BRWD1: variants seen among roughly 807,000 people sequenced by gnomAD.
BRWD1 encodes the protein bromodomain and WD repeat domain containing 1, also known as bromodomain and WD repeat-containing protein 1.
In BRWD1, 82 loss-of-function variants were observed where a neutral mutation model predicts 251.2. The ratio of observed to expected loss-of-function variants is 0.33; its 90% CI spans 0.27 to 0.39. The LOEUF is 0.39. Among genes scored for constraint, BRWD1 ranks in the 10% least tolerant of loss-of-function variants. The probability of loss-of-function intolerance (pLI) is 1.00; values close to 1 mark genes in which losing one functional copy is unlikely to be tolerated. For missense variants in BRWD1, 2,233 were observed against 2,711.6 expected (o/e 0.82, Z 3.92); for synonymous variants, 918 against 902.8 (o/e 1.02, Z -0.30).
In BRWD1 at chr21:39,196,677, G is replaced by A. The variant is rs758484795; in HGVS notation, c.6392C>T (p.Ser2131Leu). ...TTTCACATTTTCCAATTCAGGATGC[G>A]ATCTCTTCCTTTTTACTTCCTTCTC... ...TAEKEVKRKR[S>L]HPELENVKIS... Residue 2131 changes from serine (S) to leucine (L), a missense_variant, in exon 41 of 41, where the codon TCG becomes TTG. By Grantham distance (145) the Ser-to-Leu change is moderately radical. Around this residue, in one of 12 missense-constraint regions of BRWD1, gnomAD observed 928 missense variants for 970.0 expected, o/e 0.96. Coordinates refer to ENST00000342449, the MANE Select transcript of BRWD1 (RefSeq NM_033656.4). The A allele has an allele frequency of 6.2e-6, 10 of 1,613,826 alleles. No homozygotes were observed. Among genetic ancestry groups the A allele is most frequent in the East Asian group, 2.2e-5 (1 of 44,864 alleles).
chr21:39,312,981 CG>C, intron 3 of BRWD1, 81 bp from the exon 4 acceptor site: 1 of 569,862 alleles, frequency 1.8e-6, no homozygotes, highest in Non-Finnish European at 2.1e-6. Flanking sequence ...GGGCGGGCGG[CG>C]GGCGGCGGGC....
chr21:39,214,945 G>T lies in BRWD1; in HGVS notation c.3785+292C>A, dbSNP rs114658294. Among the ~76,000 whole-genome samples, 1,178 of 144,612 alleles carry T rather than the reference G, an allele frequency of 8.1e-3. 16 individuals are homozygous for T. Among genetic ancestry groups the T allele is most frequent in the African/African-American group, 0.029 (1,129 of 38,842 alleles). The allele number at this position is 144,612 out of a possible 152,430, so 94.9% of individuals were successfully genotyped here. A position where few individuals can be genotyped will look rare whatever the true frequency, so the allele number is the denominator to read the frequency against. On this transcript the variant is annotated intron_variant, in intron 32 of 40. Transcript: ENST00000342449. ...TACTCAGGCTGGAGTGCAATGGCAC[G>T]ATCCACACACGATTGGGCTCACTGT...
chr21:39,276,174 G>T lies in BRWD1; in HGVS notation c.1144C>A (p.Arg382=). Residue 382 remains arginine, a splice_region_variant and synonymous_variant, in exon 12 of 41, where the codon CGG becomes AGG. Transcript: ENST00000342449. ...DSIQFCNNGD[R]FLSGSRDGTA... ...CACACATACAAAACACACACTTACC[G>T]ATCACCATTGTTACAAAATTGGATA... 6.2e-7 allele frequency: 1 copy of T among 1,606,504 alleles called. No homozygotes were observed. The highest frequency in any genetic ancestry group is 8.5e-7 in the Non-Finnish European group (1 of 1,175,666).
In BRWD1 at chr21:39,239,097, T is replaced by C. The variant is rs926929475; in HGVS notation, c.2482-524A>G. 3.2e-4 allele frequency among the ~76,000 whole-genome samples: 48 copies of C among 152,226 alleles called. 1 individual carries two copies. Among genetic ancestry groups the C allele is most frequent in the African/African-American group, 1.1e-3 (44 of 41,470 alleles). Reference sequence around the variant, plus strand: ...TTGTGAATATAAGTCATTTATCAGATATAAGTTTTACTAATATTTTATCCT... The same window carrying C: ...TTGTGAATATAAGTCATTTATCAGACATAAGTTTTACTAATATTTTATCCT... On this transcript the variant is annotated intron_variant, in intron 21 of 40. Transcript: ENST00000342449.
Position 39,262,617 on chromosome 21 carries a change from A to G in BRWD1, c.1885+1843T>C, listed in dbSNP as rs564213474. On this transcript the variant is annotated intron_variant, in intron 17 of 40. Transcript: ENST00000342449. ...GTAGTCCCAGCTACTCAGGAGGCTG[A>G]GGCAGGAAAACCACTTGAACCCGGG... Among the ~76,000 whole-genome samples, 8 of 152,236 alleles carry G rather than the reference A, an allele frequency of 5.3e-5. No individual in the cohort carries two copies. The East Asian group carries it at 1.5e-3, about 29-fold the overall frequency.
In BRWD1 at chr21:39,202,109, T is replaced by C. The variant is rs115493039; in HGVS notation, c.4585+216A>G. ...TGTGAAGAATCTATGTATCATGTAA[T>C]TGACAATTCAATATAAATGTACCAT... On this transcript the variant is annotated intron_variant, in intron 38 of 40. Transcript: ENST00000342449. Among the ~76,000 whole-genome samples, 588 of 152,380 alleles carry C rather than the reference T, an allele frequency of 3.9e-3. 2 individuals carry two copies. The highest frequency in any genetic ancestry group is 0.013 in the African/African-American group (558 of 41,594).
At chr21:39,240,254 C>G (rs1299700581) in intron 21 of BRWD1, among the ~76,000 whole-genome samples, 1 of 152,102 alleles carries the variant, frequency 6.6e-6, no homozygotes, top group African/African-American at 2.4e-5. Flanking sequence ...GAAAGATGAA[C>G]AGATGGAGCA....
rs1036475900 is a variant in BRWD1, at chr21:39,192,653, G to T, written c.*3606C>A. 2 of 984,872 alleles carry T rather than the reference G, an allele frequency of 2.0e-6. No individual in the cohort carries two copies. Among genetic ancestry groups the T allele is most frequent in the African/African-American group, 3.5e-5 (2 of 57,164 alleles). 61.0% of individuals were successfully genotyped at this position (984,872 alleles called of 1,614,324 possible). A position where few individuals can be genotyped will look rare whatever the true frequency, so the allele number is the denominator to read the frequency against. On this transcript the variant is annotated 3_prime_UTR_variant, in exon 41 of 41. Coordinates refer to ENST00000342449, the MANE Select transcript of BRWD1 (RefSeq NM_033656.4). ...TATATCAACTTACTATTCATGAAAA[G>T]AATGGAGCTGGTTATTTCAGCTTTA...
At chr21:39,267,548 G>C (rs575636370) in intron 15 of BRWD1, among the ~76,000 whole-genome samples, 1 of 151,960 alleles carries the variant, frequency 6.6e-6, no homozygotes, top group Admixed American at 6.6e-5. Flanking sequence ...GCAGTGAGCC[G>C]AGACCACACC....
At chr21:39,222,095 T>C (rs1206699945) in intron 29 of BRWD1, among the ~76,000 whole-genome samples, 1 of 151,996 alleles carries the variant, frequency 6.6e-6, no homozygotes, top group African/African-American at 2.4e-5. Context: ...CCACATACAC[T>C]GTTGCTGGAA....
At position 39,279,627 on chromosome 21, in the gene BRWD1, A is replaced by G. The variant is rs576839974; in HGVS notation, c.932+521T>C. ...ACACTCCAGCCTGGGCAACAGAGTG[A>G]GACTCCATCTCAAAAAAAAAAAAAA... On this transcript the variant is annotated intron_variant, in intron 9 of 40. Transcript: ENST00000342449. 3.5e-5 allele frequency among the ~76,000 whole-genome samples: 5 copies of G among 141,310 alleles called. No homozygotes were observed. The South Asian group carries it at 9.6e-4, about 27-fold the overall frequency. The allele number at this position is 141,310 out of a possible 152,430, so 92.7% of individuals were successfully genotyped here.
At chr21:39,284,404 A>G (rs1020797159) in intron 8 of BRWD1, among the ~76,000 whole-genome samples, 4 of 152,216 alleles carry the variant, frequency 2.6e-5, no homozygotes, top group South Asian at 4.1e-4. Flanking sequence ...ACTTGAGCTC[A>G]TAAGTTTGAG....
chr21:39,256,931 T>C (rs986142040), intron 18 of BRWD1, among the ~76,000 whole-genome samples: 1 of 152,202 alleles, frequency 6.6e-6, no homozygotes, highest in East Asian at 1.9e-4. Flanking sequence ...CACACTATGC[T>C]TCACCAACTT....
chr21:39,271,696 CAAA>C (rs34900726), intron 13 of BRWD1, among the ~76,000 whole-genome samples: 34 of 59,852 alleles, frequency 5.7e-4, no homozygotes, highest in Admixed American at 2.2e-3. Context: ...GACTCCGTCT[CAAA>C]AAAAAAAAAA....
chr21:39,228,653 CA>C, intron 26 of BRWD1, 71 bp from the exon 27 acceptor site: 1 of 781,464 alleles, frequency 1.3e-6, no homozygotes. Flanking sequence ...CAGCACTGTC[CA>C]AAAGAAACAT....
Position 39,199,249 on chromosome 21 carries a change from C to T in BRWD1, c.5167G>A (p.Glu1723Lys). 6.2e-7 allele frequency: 1 copy of T among 1,614,224 alleles called. No homozygotes were observed. The highest frequency in any genetic ancestry group is 2.2e-5 in the East Asian group (1 of 44,882). ...DESENRDSES[E>K]SDLRVARKNW... is the part of the protein sequence containing the mutation. ...TTCCGGGCTACCCGCAAATCACTTT[C>T]TGACTCTGAGTCTCTGTTTTCAGAT... The change falls in exon 40 of 41, where the codon GAA (glutamate) becomes AAA (lysine). Residue 1723 changes from glutamate (E) to lysine (K), a missense_variant. Glu to Lys is a moderately conservative substitution (Grantham distance 56). This residue lies in a region of BRWD1 where 928 missense variants were observed against 970.0 expected (regional missense o/e 0.96). Transcript: ENST00000342449.
chr21:39,215,440 TA>T, intron 31 of BRWD1, 78 bp from the exon 32 acceptor site: 4 of 1,223,004 alleles, frequency 3.3e-6, no homozygotes, highest in Non-Finnish European at 4.7e-6. Flanking sequence ...GCATGTGAAT[TA>T]AACAACTGTG....
intron 19 of BRWD1, among the ~76,000 whole-genome samples, chr21:39,253,501 T>G (rs1234962540): frequency 6.6e-6 from 1 of 152,146 alleles, no homozygotes. Flanking sequence ...TCCCTTGGTT[T>G]TGAAAAAGCA....
At chr21:39,215,814 C>T (rs2032865354) in intron 31 of BRWD1, among the ~76,000 whole-genome samples, 2 of 151,950 alleles carry the variant, frequency 1.3e-5, no homozygotes, top group Non-Finnish European at 2.9e-5. Context: ...GACAACATGG[C>T]AAAACCCCAA....
Sources: allele counts gnomAD v4.1 joint callset (sites outside exome capture counted in the v4.1 genomes callset), GRCh38; gene constraint gnomAD v4.1.1; regional missense constraint gnomAD v4.1.1; transcripts MANE v1.5; gene names NCBI Gene and HGNC (gene_info 2026-07-23, HGNC 2026-07-21).